GATA4: variants seen among roughly 807,000 people sequenced by gnomAD.
GATA4 encodes transcription factor GATA-4.
Under a neutral mutation model 37.9 loss-of-function variants are expected in GATA4, and 7 were observed. The observed-to-expected ratio is 0.18, with a 90% CI of 0.11 to 0.35. The LOEUF (loss-of-function observed/expected upper bound fraction) is 0.35. GATA4 is among the 10% of genes least tolerant of loss of function. The pLI is 1.00. For synonymous variants in GATA4, 372 were observed against 292.6 expected, an observed-to-expected ratio of 1.27 and a Z score of -2.77; for missense variants, 647 against 653.0, an observed-to-expected ratio of 0.99 and a Z score of 0.10.
At chr8:11,701,056 T>C (rs1020913717), upstream of GATA4, among the ~76,000 whole-genome samples, 2 of 152,186 alleles carry the variant, frequency 1.3e-5, no homozygotes, top group African/African-American at 4.8e-5. Flanking sequence ...CTGTACACAA[T>C]ACGCAGCGTA....
At chr8:11,704,707 G>A (rs1162039617) in intron 1 of GATA4, among the ~76,000 whole-genome samples, 1 of 152,238 alleles carries the variant, frequency 6.6e-6, no homozygotes, top group African/African-American at 2.4e-5. Flanking sequence ...GCACATGGAG[G>A]GAAGTAGACG....
intron 2 of GATA4, among the ~76,000 whole-genome samples, chr8:11,734,353 T>C (rs1801348249): frequency 6.6e-6 from 1 of 152,238 alleles, no homozygotes; most frequent in African/African-American, 2.4e-5. Flanking sequence ...CTCAAAGTTC[T>C]GGAAGCCAGG....
chr8:11,738,245 T>C (rs1195380777), intron 2 of GATA4, among the ~76,000 whole-genome samples: 1 of 151,070 alleles, frequency 6.6e-6, no homozygotes, highest in Non-Finnish European at 1.5e-5. Flanking sequence ...TAGTTGAGTA[T>C]TTAAAAGGTA....
intron 6 of GATA4, 138 bp downstream of exon 6, chr8:11,757,221 G>C (rs925825190): frequency 1.5e-6 from 2 of 1,336,548 alleles, no homozygotes; most frequent in African/African-American, 2.9e-5. Context: ...GCGCTAGGAA[G>C]ACCCAGCCAT....
intron 1 of GATA4, among the ~76,000 whole-genome samples, chr8:11,693,612 C>T (rs1799410824): frequency 6.8e-6 from 1 of 146,836 alleles, no homozygotes; most frequent in Non-Finnish European, 1.5e-5. Flanking sequence ...ATTGATTCAG[C>T]ACAACCGGTG....
At chr8:11,723,125 T>C (rs893136850) in intron 2 of GATA4, among the ~76,000 whole-genome samples, 2 of 152,028 alleles carry the variant, frequency 1.3e-5, no homozygotes, top group African/African-American at 4.8e-5. Flanking sequence ...GGCTGGAGGA[T>C]CATTTGAACC....
intron 2 of GATA4, among the ~76,000 whole-genome samples, chr8:11,736,811 T>G (rs1801482897): frequency 6.6e-6 from 1 of 152,228 alleles, no homozygotes; most frequent in Non-Finnish European, 1.5e-5. Context: ...ATCTAGATTC[T>G]TTTCACACTA....
intron 1 of GATA4, chr8:11,683,148 G>C: frequency 1.0e-6 from 1 of 981,840 alleles, no homozygotes; most frequent in Non-Finnish European, 1.2e-6. Flanking sequence ...CTCCAGCAGA[G>C]ATAATGGAGG....
intron 2 of GATA4, among the ~76,000 whole-genome samples, chr8:11,715,892 G>A (rs566386670): frequency 1.1e-3 from 166 of 152,182 alleles, no homozygotes; most frequent in African/African-American, 3.8e-3. Context: ...CCAGCCCCTG[G>A]TAACCCCCAT....
upstream of GATA4, among the ~76,000 whole-genome samples, chr8:11,703,247 C>T (rs1429952472): frequency 1.3e-5 from 2 of 152,102 alleles, no homozygotes; most frequent in East Asian, 3.9e-4. Context: ...CTGAAGGCTG[C>T]GGTAATCGAT....
intron 2 of GATA4, among the ~76,000 whole-genome samples, chr8:11,740,219 C>T (rs762461733): frequency 3.9e-5 from 6 of 152,178 alleles, no homozygotes; most frequent in Non-Finnish European, 5.9e-5. Flanking sequence ...GGCAAGTCAG[C>T]CGTACTACCT....
At chr8:11,743,400 T>A (rs1467802978) in intron 2 of GATA4, among the ~76,000 whole-genome samples, 1 of 152,242 alleles carries the variant, frequency 6.6e-6, no homozygotes, top group Admixed American at 6.5e-5. Context: ...GGTGAGGGTC[T>A]TCCAACACAG....
At chr8:11,694,463 C>T (rs1421315055) in intron 1 of GATA4, 8 of 985,252 alleles carry the variant, frequency 8.1e-6, no homozygotes, top group Non-Finnish European at 8.4e-6. Context: ...TGCGCTGCCA[C>T]CAGCTCTCCG....
chr8:11,677,269 G>A (rs1798815235), intron 1 of GATA4, among the ~76,000 whole-genome samples: 1 of 152,232 alleles, frequency 6.6e-6, no homozygotes, highest in Non-Finnish European at 1.5e-5. Context: ...GGACAGGAAG[G>A]AAGGATGAGG....
At chr8:11,706,866 T>C (rs768631151) in intron 1 of GATA4, among the ~76,000 whole-genome samples, 5 of 152,026 alleles carry the variant, frequency 3.3e-5, no homozygotes, top group Non-Finnish European at 7.4e-5. Context: ...CTTAGTAGAG[T>C]TGTAGAGAAA....
chr8:11,750,485 C>T (rs1008503249), intron 4 of GATA4, among the ~76,000 whole-genome samples: 6 of 152,084 alleles, frequency 3.9e-5, no homozygotes, highest in South Asian at 2.1e-4. Context: ...GGTGACGTTT[C>T]GATTCAGTGG....
intron 1 of GATA4, among the ~76,000 whole-genome samples, chr8:11,697,267 G>A (rs1799534848): frequency 6.6e-6 from 1 of 152,238 alleles, no homozygotes; most frequent in South Asian, 2.1e-4. Context: ...CAGGACTAAC[G>A]AGGGGGATGA....
Position 11,685,520 on chromosome 8 carries a change from T to C in GATA4, c.-274+8457T>C, listed in dbSNP as rs1003560358. ...ACTGGTGCGCTTTCGTAGCAAATCATTTGTTCCAGAGAATTCAGTTTTAGG... is the reference window on the plus strand; with the variant it reads ...ACTGGTGCGCTTTCGTAGCAAATCACTTGTTCCAGAGAATTCAGTTTTAGG... On this transcript the variant is annotated intron_variant, in intron 1 of 6. Coordinates refer to the GATA4 transcript ENST00000528712. 4.6e-5 allele frequency among the ~76,000 whole-genome samples: 7 copies of C among 152,316 alleles called. No individual in the cohort carries two copies. The East Asian group carries it at 1.3e-3, about 29-fold the overall frequency.
Position 11,758,576 on chromosome 8 carries a change from T to C in GATA4, c.*101T>C. The stretch of plus-strand genomic sequence containing the variant: ...CCAGGGGCCGGCCTCCTCTGCCTGG[T>C]AATGACTCCAGAACAACAACTGGGA... On this transcript the variant is annotated 3_prime_UTR_variant, in exon 7 of 7. Coordinates refer to ENST00000532059, the MANE Select transcript of GATA4 (RefSeq NM_001308093.3). The C allele has an allele frequency of 1.8e-6, 2 of 1,123,334 alleles. No individual in the cohort carries two copies. The highest frequency in any genetic ancestry group is 2.5e-5 in the South Asian group (2 of 80,102). 69.6% of individuals were successfully genotyped at this position (1,123,334 alleles called of 1,614,324 possible).
Sources: allele counts gnomAD v4.1 joint callset (sites outside exome capture counted in the v4.1 genomes callset), GRCh38; gene constraint gnomAD v4.1.1; transcripts MANE v1.5; gene names NCBI Gene and HGNC (gene_info 2026-07-23, HGNC 2026-07-21).